The following FDFT1 variants were observed in gnomAD, a reference collection of about 807,000 sequenced individuals.
FDFT1 encodes farnesyl-diphosphate farnesyltransferase 1, also known as squalene synthase.
A neutral mutation model predicts 46.8 loss-of-function variants in FDFT1; 68 were observed. The observed-to-expected ratio is 1.45, with a 90% CI of 1.19 to 1.78. FDFT1 has a LOEUF of 1.78. FDFT1 is among the 40% of genes most tolerant of loss of function. The pLI, the probability that FDFT1 is intolerant of heterozygous loss-of-function variation, is 0.00. For synonymous variants in FDFT1, 351 were observed against 185.1 expected (o/e 1.90, Z -7.28); for missense variants, 928 against 524.4 (o/e 1.77, Z -7.52).
chr8:11,834,804 A>G (rs1353281928), intron 7 of FDFT1, among the ~76,000 whole-genome samples: 4 of 152,216 alleles, frequency 2.6e-5, no homozygotes, highest in African/African-American at 9.6e-5. Flanking sequence ...ATTTCAGTCT[A>G]GTAAACATTT....
At chr8:11,833,239 T>G (rs1311019108) in intron 7 of FDFT1, among the ~76,000 whole-genome samples, 1 of 152,084 alleles carries the variant, frequency 6.6e-6, no homozygotes, top group Non-Finnish European at 1.5e-5. Flanking sequence ...GTGCCTGGGG[T>G]AGTGACCAAG....
At chr8:11,819,422 G>C (rs1192787119) in intron 3 of FDFT1, among the ~76,000 whole-genome samples, 1 of 152,100 alleles carries the variant, frequency 6.6e-6, no homozygotes, top group Non-Finnish European at 1.5e-5. Context: ...AAGTTCTCCT[G>C]GATAATATAC....
Position 11,838,365 on chromosome 8 carries a change from AT to A in FDFT1, c.1033-17del. On this transcript the variant is annotated intron_variant, in intron 7 of 7. Transcript: ENST00000220584. ...AAATGTAAAGCACATAGCACTTATC[AT>A]TTTTTCCTGTGTCTTTAACAGATTT... 3 of 1,591,646 alleles carry A rather than the reference AT, an allele frequency of 1.9e-6. No homozygotes were observed. In the South Asian group the frequency reaches 3.3e-5, roughly 18 times the overall value.
At chr8:11,829,277 A>T (rs572334542) in intron 5 of FDFT1, among the ~76,000 whole-genome samples, 1 of 152,368 alleles carries the variant, frequency 6.6e-6, no homozygotes, top group South Asian at 2.1e-4. Context: ...TACATTAATG[A>T]TGTTATATAA....
rs909170002 is a variant in FDFT1 at position 11,809,970 on chromosome 8, G to A, written c.381+120G>A. On this transcript the variant is annotated intron_variant, in intron 3 of 7. Coordinates refer to ENST00000220584, the MANE Select transcript of FDFT1 (RefSeq NM_004462.5). ...ATAAGCATTCTGAGGGCAGCATAAT[G>A]TGAGGGTTAAAAACTCCGGTAGCCA... 1.4e-5 allele frequency: 11 copies of A among 764,618 alleles called. No individual in the cohort carries two copies. The African/African-American group carries it at 1.8e-4, about 12-fold the overall frequency. The allele number at this position is 764,618 out of a possible 1,614,324, so 47.4% of individuals were successfully genotyped here.
intron 3 of FDFT1, among the ~76,000 whole-genome samples, chr8:11,820,205 T>C (rs756195078): frequency 2.0e-5 from 3 of 152,136 alleles, no homozygotes; most frequent in Non-Finnish European, 2.9e-5. Flanking sequence ...GCCTGATCCT[T>C]CCTCTGGAAG....
At chr8:11,814,369 T>C (rs908425726) in intron 3 of FDFT1, among the ~76,000 whole-genome samples, 2 of 151,628 alleles carry the variant, frequency 1.3e-5, no homozygotes, top group African/African-American at 4.9e-5. Flanking sequence ...TCCTAAATTA[T>C]GTGTATTCCT....
intron 1 of FDFT1, among the ~76,000 whole-genome samples, chr8:11,796,386 A>G (rs978945355): frequency 6.6e-6 from 1 of 152,138 alleles, no homozygotes; most frequent in African/African-American, 2.4e-5. Flanking sequence ...CAGACAAGAG[A>G]TTATTAGAAT....
rs766672920 is a variant in FDFT1, at chr8:11,802,883, G to A, written c.51G>A (p.Val17=). The change falls in exon 1 of 8, where the codon GTG becomes GTA. Residue 17 remains valine, a synonymous_variant. Coordinates refer to ENST00000220584, the MANE Select transcript of FDFT1 (RefSeq NM_004462.5). ...ACCCCGAAGAGTTCTACAACCTGGT[G>A]CGCTTCCGGATCGGGGGCAAGCGGA... ...LGHPEEFYNL[V]RFRIGGKRKV... 6.2e-7 allele frequency: 1 copy of A among 1,612,358 alleles called. No homozygotes were observed. The highest frequency in any genetic ancestry group is 2.2e-5 in the East Asian group (1 of 44,842).
intron 5 of FDFT1, among the ~76,000 whole-genome samples, chr8:11,830,014 G>A (rs1810551776): frequency 6.6e-6 from 1 of 151,878 alleles, no homozygotes; most frequent in Non-Finnish European, 1.5e-5. Context: ...TACCCGGCTA[G>A]TTTTTGTATT....
At chr8:11,808,393 G>A in intron 1 of FDFT1, 2 of 1,235,060 alleles carry the variant, frequency 1.6e-6, no homozygotes, top group East Asian at 3.2e-5. Flanking sequence ...GCTGCGGGGC[G>A]GGCCCGTTGT....
intron 1 of FDFT1, chr8:11,803,402 T>A (rs1402494971): frequency 7.8e-7 from 1 of 1,289,488 alleles, no homozygotes; most frequent in African/African-American, 1.5e-5. Flanking sequence ...CTCCCCGCCT[T>A]GCTGCCTTCC....
At chr8:11,813,569 C>A (rs1022628577) in intron 3 of FDFT1, among the ~76,000 whole-genome samples, 1 of 152,180 alleles carries the variant, frequency 6.6e-6, no homozygotes, top group African/African-American at 2.4e-5. Flanking sequence ...TCTGGAAGGT[C>A]TGGCTTCAGA....
chr8:11,821,737 G>T lies in FDFT1; in HGVS notation c.382-13G>T, dbSNP rs576846043. ...ATTTCATGATTTCTGTGTTTTTACGGTTTCCATTTCAGATCTCCCTTGAGT... is the reference window on the plus strand; with the variant it reads ...ATTTCATGATTTCTGTGTTTTTACGTTTTCCATTTCAGATCTCCCTTGAGT... On this transcript the variant is annotated splice_polypyrimidine_tract_variant and intron_variant, in intron 3 of 7. Coordinates refer to ENST00000220584, the MANE Select transcript of FDFT1 (RefSeq NM_004462.5). The T allele has an allele frequency of 6.2e-7, 1 of 1,612,254 alleles. No individual in the cohort carries two copies. Among genetic ancestry groups the T allele is most frequent in the Admixed American group, 1.7e-5 (1 of 59,960 alleles).
At chr8:11,817,073 G>T (rs961071852) in intron 3 of FDFT1, among the ~76,000 whole-genome samples, 1 of 152,110 alleles carries the variant, frequency 6.6e-6, no homozygotes, top group Admixed American at 6.5e-5. Context: ...AGAGTTTTTA[G>T]CATGAAAGAC....
intron 1 of FDFT1, chr8:11,808,353 G>T: frequency 8.1e-7 from 1 of 1,234,008 alleles, no homozygotes; most frequent in Non-Finnish European, 1.0e-6. Context: ...GCGCCGGTGC[G>T]GAGCGGGAGG....
intron 3 of FDFT1, among the ~76,000 whole-genome samples, chr8:11,810,658 T>A (rs1421786023): frequency 1.3e-5 from 2 of 152,200 alleles, no homozygotes; most frequent in Non-Finnish European, 2.9e-5. Flanking sequence ...GACATCTGCC[T>A]AGGTCCTACT....
chr8:11,807,186 C>G (rs1806965303), intron 1 of FDFT1, among the ~76,000 whole-genome samples: 1 of 152,122 alleles, frequency 6.6e-6, no homozygotes. Flanking sequence ...TGGGGTCCCA[C>G]TCTGCAGTGT....
rs973686938 is a variant in FDFT1 at position 11,802,929 on chromosome 8, C to CA, written c.98dup (p.Asp34GlyfsTer52). 6.2e-7 allele frequency: 1 copy of CA among 1,605,062 alleles called. No individual in the cohort carries two copies. On this transcript the variant is annotated frameshift_variant and splice_region_variant, in exon 1 of 8. Transcript: ENST00000220584. LOFTEE classifies it high-confidence loss of function. ...GCGGAAGGTGATGCCCAAGATGGAC[C>CA]AGGTGGGCCGAGCCTCCCTGCTTGC...
Sources: gnomAD v4.1 joint callset for allele counts (sites outside exome capture counted in the v4.1 genomes callset) on GRCh38, gnomAD v4.1.1 for gene constraint, MANE v1.5 for transcripts, NCBI Gene and HGNC (gene_info 2026-07-23, HGNC 2026-07-21) for gene names.